The following THRB variants were observed in gnomAD, a reference collection of about 807,000 sequenced individuals.
THRB encodes the protein thyroid hormone receptor beta.
In THRB, 12 loss-of-function variants were observed where a neutral mutation model predicts 47.8. The observed-to-expected ratio is 0.25, with a 90% CI of 0.16 to 0.41. The LOEUF is 0.41. THRB is among the 10% of genes least tolerant of loss of function. The pLI is 1.00. For missense variants in THRB, 348 were observed against 589.2 expected, an observed-to-expected ratio of 0.59 and a Z score of 4.24; for synonymous variants, 218 against 212.2, an observed-to-expected ratio of 1.03 and a Z score of -0.24.
chr3:24,343,398 G>T (rs572396718), intron 1 of THRB, among the ~76,000 whole-genome samples: 2 of 152,242 alleles, frequency 1.3e-5, no homozygotes, highest in East Asian at 3.9e-4. Flanking sequence ...TAAAAAAGGA[G>T]AAAATGGAAA....
intron 1 of THRB, among the ~76,000 whole-genome samples, chr3:24,373,096 T>A (rs548298192): frequency 6.6e-6 from 1 of 152,142 alleles, no homozygotes; most frequent in African/African-American, 2.4e-5. Context: ...CTGTTTTACA[T>A]ACTGGGAGTC....
At chr3:24,314,785 C>T (rs546732888) in intron 2 of THRB, among the ~76,000 whole-genome samples, 5 of 152,300 alleles carry the variant, frequency 3.3e-5, no homozygotes, top group African/African-American at 1.2e-4. Flanking sequence ...TTCCAGGTGT[C>T]CCCTCAAGTA....
At chr3:24,330,910 C>G (rs2061882054) in intron 2 of THRB, among the ~76,000 whole-genome samples, 1 of 152,160 alleles carries the variant, frequency 6.6e-6, no homozygotes, top group Non-Finnish European at 1.5e-5. Flanking sequence ...CTAAGGGTGT[C>G]AAACACATAG....
intron 1 of THRB, chr3:24,455,518 G>A (rs1265417932): frequency 6.6e-6 from 1 of 152,058 alleles, no homozygotes; most frequent in Non-Finnish European, 1.5e-5. Context: ...GCACAACTTT[G>A]GTTAAATCAT....
chr3:24,284,933 C>G (rs1202802698), intron 3 of THRB, among the ~76,000 whole-genome samples: 6 of 152,102 alleles, frequency 3.9e-5, no homozygotes, highest in Non-Finnish European at 1.5e-5. Context: ...CAGGAAACAA[C>G]AGGTGCTGGA....
At chr3:24,368,805 G>A (rs1160672384) in intron 1 of THRB, among the ~76,000 whole-genome samples, 2 of 152,152 alleles carry the variant, frequency 1.3e-5, no homozygotes, top group African/African-American at 2.4e-5. Context: ...TTCCCACTTT[G>A]AATATGTTAT....
chr3:24,324,323 C>T (rs952003031), intron 2 of THRB, among the ~76,000 whole-genome samples: 1 of 152,122 alleles, frequency 6.6e-6, no homozygotes, highest in African/African-American at 2.4e-5. Flanking sequence ...TTCTCCTTCT[C>T]TTCTTTAGAG....
chr3:24,214,582 A>T (rs573598987), intron 4 of THRB, among the ~76,000 whole-genome samples: 1 of 152,168 alleles, frequency 6.6e-6, no homozygotes, highest in African/African-American at 2.4e-5. Flanking sequence ...AATCCCAAAG[A>T]CCAAGGCTGC....
intron 1 of THRB, among the ~76,000 whole-genome samples, chr3:24,440,927 G>A (rs1026925760): frequency 1.3e-5 from 2 of 152,104 alleles, no homozygotes; most frequent in Non-Finnish European, 1.5e-5. Context: ...AGTTTCCATG[G>A]GTCAGGAGTC....
rs1317858687 is a variant in THRB, at chr3:24,133,457, T to A, written c.744A>T (p.Glu248Asp). 6.2e-7 allele frequency: 1 copy of A among 1,614,116 alleles called. No homozygotes were observed. The highest frequency in any genetic ancestry group is 1.3e-5 in the African/African-American group (1 of 75,046). Residue 248 changes from glutamate to aspartate, a missense_variant, in exon 9 of 11, where the codon GAA (glutamate) becomes GAT (aspartate). Glu to Asp is a conservative substitution (Grantham distance 45, BLOSUM62 2). This residue lies in a region of THRB where 112 missense variants were observed against 212.3 expected (regional missense o/e 0.53). Transcript: ENST00000646209. ...TGACTATTGGTGCTTGTCCAATGTC[T>A]TCTGGCTAAGGAGGAGAAAAAAGAA... ...HWKQKRKFLP[E>D]DIGQAPIVNA...
intron 1 of THRB, among the ~76,000 whole-genome samples, chr3:24,425,263 A>G (rs1214098580): frequency 5.9e-5 from 9 of 151,876 alleles, no homozygotes; most frequent in African/African-American, 2.2e-4. Context: ...TTTGTACCAC[A>G]GTTCTTGCTA....
Position 24,358,121 on chromosome 3 carries a change from A to G in THRB, c.-260-20750T>C, listed in dbSNP as rs2063814410. On this transcript the variant is annotated intron_variant, in intron 1 of 10. Coordinates refer to ENST00000646209, the MANE Select transcript of THRB (RefSeq NM_001354712.2). ...AAATATTTGATGAATAAATTAATAA[A>G]TGCTTTGCACACTTTACTATTAGAT... Among the ~76,000 whole-genome samples the G allele has an allele frequency of 2.0e-5, 3 of 152,292 alleles. No homozygotes were observed. In the South Asian group the frequency reaches 6.2e-4, roughly 32 times the overall value.
At chr3:24,157,173 A>G (rs2037986640) in intron 5 of THRB, among the ~76,000 whole-genome samples, 1 of 152,030 alleles carries the variant, frequency 6.6e-6, no homozygotes, top group South Asian at 2.1e-4. Flanking sequence ...ACTTCACACA[A>G]TTCACAATCT....
At chr3:24,394,316 T>A (rs1424254845) in intron 1 of THRB, among the ~76,000 whole-genome samples, 2 of 152,090 alleles carry the variant, frequency 1.3e-5, no homozygotes, top group Non-Finnish European at 2.9e-5. Context: ...CAGAGGCCAT[T>A]TGTGAAAGAC....
At chr3:24,152,340 G>A (rs747393680) in intron 6 of THRB, 50 bp downstream of exon 6, 4 of 954,898 alleles carry the variant, frequency 4.2e-6, no homozygotes, top group Non-Finnish European at 6.9e-6. Flanking sequence ...AGGACTGGGA[G>A]GGGACTGGAG....
chr3:24,322,299 A>G (rs187223656), intron 2 of THRB, among the ~76,000 whole-genome samples: 15 of 152,330 alleles, frequency 9.8e-5, no homozygotes, highest in African/African-American at 3.1e-4. Flanking sequence ...TATTCTTTCA[A>G]ATTAAAACTA....
intron 2 of THRB, among the ~76,000 whole-genome samples, chr3:24,307,286 C>T (rs922177550): frequency 7.5e-6 from 1 of 133,064 alleles, no homozygotes; most frequent in Non-Finnish European, 1.7e-5. Flanking sequence ...GGAACACATG[C>T]TCTTTGGAGA....
In THRB at chr3:24,202,472, A is replaced by C. The variant is rs147704311; in HGVS notation, c.23-12138T>G. 7.9e-5 allele frequency among the ~76,000 whole-genome samples: 12 copies of C among 152,292 alleles called. No individual in the cohort carries two copies. In the East Asian group the frequency reaches 1.9e-3, roughly 24 times the overall value. On this transcript the variant is annotated intron_variant, in intron 4 of 10. Transcript: ENST00000646209. Reference sequence around the variant, plus strand: ...ATTCTGTTTCCCATACTGGTTGCTGATGATGATTTTTAAAAAGGTTAGTAT... The same window carrying C: ...ATTCTGTTTCCCATACTGGTTGCTGCTGATGATTTTTAAAAAGGTTAGTAT...
chr3:24,243,514 C>G (rs957774201), intron 3 of THRB, among the ~76,000 whole-genome samples: 2 of 151,982 alleles, frequency 1.3e-5, no homozygotes, highest in African/African-American at 4.8e-5. Context: ...CCTCCAACAC[C>G]TGCTTGGGTC....
Sources: gnomAD v4.1 joint callset for allele counts (sites outside exome capture counted in the v4.1 genomes callset) on GRCh38, gnomAD v4.1.1 for gene constraint, gnomAD v4.1.1 regional missense constraint, MANE v1.5 for transcripts, NCBI Gene and HGNC (gene_info 2026-07-23, HGNC 2026-07-21) for gene names.